The following SUPT3H variants were observed in gnomAD, a reference collection of about 807,000 sequenced individuals.
The protein encoded by SUPT3H is SPT3 homolog, SAGA and STAGA complex component.
Under a neutral mutation model 44.3 loss-of-function variants are expected in SUPT3H, and 44 were observed. That is an observed-to-expected ratio of 0.99 (90% confidence interval 0.78 to 1.28). The LOEUF (loss-of-function observed/expected upper bound fraction) is 1.28. Ranked by LOEUF, SUPT3H falls within the 50% of genes most tolerant of loss-of-function variation. The probability of loss-of-function intolerance (pLI) is 0.00; values close to 1 mark genes in which losing one functional copy is unlikely to be tolerated. For missense variants in SUPT3H, 380 were observed against 387.1 expected (o/e 0.98, Z 0.15); for synonymous variants, 124 against 125.6 (o/e 0.99, Z 0.09).
chr6:45,102,211 G>A (rs892544135), intron 3 of SUPT3H, among the ~76,000 whole-genome samples: 1 of 151,900 alleles, frequency 6.6e-6, no homozygotes, highest in African/African-American at 2.4e-5. Flanking sequence ...CTACAGTAAG[G>A]GAATATTAAC....
intron 2 of SUPT3H, among the ~76,000 whole-genome samples, chr6:45,180,892 T>A (rs1813033080): frequency 6.6e-6 from 1 of 150,552 alleles, no homozygotes; most frequent in Non-Finnish European, 1.5e-5. Context: ...CTAAAGAGCT[T>A]CTGCACAGCA....
At chr6:45,318,746 AT>A (rs1562945877) in intron 2 of SUPT3H, among the ~76,000 whole-genome samples, 1 of 152,090 alleles carries the variant, frequency 6.6e-6, no homozygotes, top group Non-Finnish European at 1.5e-5. Context: ...GGATTTCTCA[AT>A]TTTCAAAAAA....
At chr6:44,879,860 C>G (rs1777934597) in intron 10 of SUPT3H, among the ~76,000 whole-genome samples, 1 of 152,152 alleles carries the variant, frequency 6.6e-6, no homozygotes, top group Non-Finnish European at 1.5e-5. Context: ...GGAAAATGAA[C>G]AAACACAAAG....
chr6:44,861,198 T>C (rs533191951), intron 10 of SUPT3H, among the ~76,000 whole-genome samples: 1 of 152,282 alleles, frequency 6.6e-6, no homozygotes, highest in East Asian at 1.9e-4. Context: ...TGCCTCAGCC[T>C]CCTGAGTAGC....
At chr6:44,969,348 T>C (rs1013779328) in intron 6 of SUPT3H, among the ~76,000 whole-genome samples, 1 of 152,202 alleles carries the variant, frequency 6.6e-6, no homozygotes, top group Non-Finnish European at 1.5e-5. Context: ...TTTGATAGTA[T>C]TTATCTCTGG....
At chr6:45,008,525 AT>A (rs1262945485) in intron 5 of SUPT3H, among the ~76,000 whole-genome samples, 12 of 149,664 alleles carry the variant, frequency 8.0e-5, no homozygotes, top group African/African-American at 2.4e-4. Context: ...TGGCTAATTA[AT>A]TTTTTTTTTC....
At chr6:45,003,868 A>ACATAGTATTTGGTATACTATATTT in intron 5 of SUPT3H, 76 bp from the exon 6 acceptor site, 1 of 1,471,030 alleles carries the variant, frequency 6.8e-7, no homozygotes, top group South Asian at 1.3e-5. Flanking sequence ...TACATGTATT[A>ACATAGTATTTGGTATACTATATTT]AATATAGTAT....
At chr6:45,069,723 C>G (rs1482784180) in intron 3 of SUPT3H, among the ~76,000 whole-genome samples, 1 of 152,060 alleles carries the variant, frequency 6.6e-6, no homozygotes, top group Non-Finnish European at 1.5e-5. Context: ...TAGATTAACT[C>G]AACAAAATTA....
chr6:45,139,246 A>T (rs1047721482), intron 2 of SUPT3H, among the ~76,000 whole-genome samples: 3 of 152,152 alleles, frequency 2.0e-5, no homozygotes, highest in Non-Finnish European at 4.4e-5. Context: ...CAAAATGAAA[A>T]TTTTTCTAAT....
At chr6:45,128,503 CAAAA>C (rs1168489460) in intron 2 of SUPT3H, among the ~76,000 whole-genome samples, 26 of 12,442 alleles carry the variant, frequency 2.1e-3, no homozygotes, top group African/African-American at 9.1e-3. Context: ...GACTCTGTCT[CAAAA>C]AAAAAAAAAA....
At chr6:45,173,353 A>G (rs181583090) in intron 2 of SUPT3H, among the ~76,000 whole-genome samples, 1 of 152,328 alleles carries the variant, frequency 6.6e-6, no homozygotes, top group East Asian at 1.9e-4. Context: ...AGCTCATTTT[A>G]TTAATAAAAG....
Position 45,371,359 on chromosome 6 carries a change from G to A in SUPT3H, c.1-6058C>T, listed in dbSNP as rs538273364. 3.3e-5 allele frequency among the ~76,000 whole-genome samples: 5 copies of A among 151,236 alleles called. No homozygotes were observed. In the East Asian group the frequency reaches 9.7e-4, roughly 29 times the overall value. ...GGCATGTAAAAAATAGAGGAATTTG[G>A]AGTTTATAAAGGGTACTTCACCAGT... On this transcript the variant is annotated intron_variant, in intron 1 of 10. Coordinates refer to ENST00000371459, the MANE Select transcript of SUPT3H (RefSeq NM_003599.4).
At chr6:45,328,051 G>T in intron 2 of SUPT3H, 1 of 240,466 alleles carries the variant, frequency 4.2e-6, no homozygotes, top group Non-Finnish European at 8.5e-6. Context: ...CAGGAGTTTG[G>T]GCTCCTTCAG....
At chr6:45,030,769 T>G (rs1208894947) in intron 3 of SUPT3H, among the ~76,000 whole-genome samples, 1 of 152,172 alleles carries the variant, frequency 6.6e-6, no homozygotes, top group Non-Finnish European at 1.5e-5. Flanking sequence ...ACCCTTGTTT[T>G]GGCAAAAGCA....
At chr6:44,834,650 C>G (rs527828278) in intron 10 of SUPT3H, among the ~76,000 whole-genome samples, 59 of 152,192 alleles carry the variant, frequency 3.9e-4, no homozygotes, top group African/African-American at 1.3e-3. Context: ...AAACTAATGC[C>G]CAGAGAGAGT....
intron 2 of SUPT3H, among the ~76,000 whole-genome samples, chr6:45,218,766 A>C (rs753422609): frequency 8.5e-5 from 13 of 152,208 alleles, no homozygotes; most frequent in Non-Finnish European, 1.5e-4. Context: ...ATCATCAAGA[A>C]TATAGAAAAT....
intron 10 of SUPT3H, among the ~76,000 whole-genome samples, chr6:44,887,262 G>C (rs894443106): frequency 2.0e-5 from 3 of 152,100 alleles, no homozygotes; most frequent in Non-Finnish European, 2.9e-5. Context: ...TCTGCACCAA[G>C]CTGACCTAAT....
chr6:45,051,835 G>A (rs935869838), intron 3 of SUPT3H, among the ~76,000 whole-genome samples: 3 of 152,264 alleles, frequency 2.0e-5, no homozygotes, highest in Admixed American at 2.0e-4. Context: ...GTGGTGATTG[G>A]AGAGTAGAAT....
At chr6:44,853,921 G>A (rs1457831449) in intron 10 of SUPT3H, among the ~76,000 whole-genome samples, 1 of 151,692 alleles carries the variant, frequency 6.6e-6, no homozygotes, top group Non-Finnish European at 1.5e-5. Flanking sequence ...ATTCTAGATA[G>A]TTGAGGGGGA....
Sources: allele counts gnomAD v4.1 joint callset (sites outside exome capture counted in the v4.1 genomes callset), GRCh38; gene constraint gnomAD v4.1.1; transcripts MANE v1.5; gene names NCBI Gene and HGNC (gene_info 2026-07-23, HGNC 2026-07-21).